The following FER variants were observed in gnomAD, a reference collection of about 807,000 sequenced individuals.
FER encodes the protein tyrosine-protein kinase Fer.
FER carries 63 observed loss-of-function variants against 111.0 expected under a neutral mutation model. The observed-to-expected ratio is 0.57, with a 90% CI of 0.46 to 0.70. The LOEUF (loss-of-function observed/expected upper bound fraction) is 0.70. Among genes scored for constraint, FER ranks in the 30% least tolerant of loss-of-function variants. FER has a pLI of 0.00. For synonymous variants in FER, 327 were observed against 313.9 expected, an observed-to-expected ratio of 1.04 and a Z score of -0.44; for missense variants, 914 against 954.0, an observed-to-expected ratio of 0.96 and a Z score of 0.55.
chr5:108,941,120 T>G (rs1756210138), intron 10 of FER, among the ~76,000 whole-genome samples: 1 of 152,132 alleles, frequency 6.6e-6, no homozygotes, highest in African/African-American at 2.4e-5. Flanking sequence ...GCTTTGAAGC[T>G]GAGGGAGGAT....
intron 5 of FER, among the ~76,000 whole-genome samples, chr5:108,836,593 T>A (rs1291508173): frequency 6.6e-6 from 1 of 152,192 alleles, no homozygotes; most frequent in African/African-American, 2.4e-5. Flanking sequence ...CTATTTTATT[T>A]TGGTTCTTAA....
At chr5:109,132,277 T>G (rs113674754) in intron 17 of FER, among the ~76,000 whole-genome samples, 1 of 152,086 alleles carries the variant, frequency 6.6e-6, no homozygotes, top group Non-Finnish European at 1.5e-5. Flanking sequence ...AAGAAAAATA[T>G]AAGAAAGAGG....
intron 10 of FER, among the ~76,000 whole-genome samples, chr5:108,920,452 G>C (rs992374991): frequency 6.6e-6 from 1 of 152,218 alleles, no homozygotes; most frequent in East Asian, 1.9e-4. Flanking sequence ...ATACAATAAA[G>C]TAATTACACT....
At position 109,098,267 on chromosome 5, in the gene FER, A is replaced by T. The variant is rs964415671; in HGVS notation, c.1925-2129A>T. 2.0e-5 allele frequency among the ~76,000 whole-genome samples: 3 copies of T among 151,852 alleles called. No individual in the cohort carries two copies. In the East Asian group the frequency reaches 5.8e-4, roughly 29 times the overall value. ...AACAATATTTGGTAATTTGTTGAAT[A>T]ATAGTTTATTTGTTAAATAATTTGT... is the stretch of plus-strand genomic sequence containing the variant. On this transcript the variant is annotated intron_variant, in intron 16 of 19. Transcript: ENST00000281092.
chr5:108,803,470 A>G (rs142926479), intron 3 of FER, among the ~76,000 whole-genome samples: 4,615 of 152,274 alleles, frequency 0.03, 99 homozygotes, highest in African/African-American at 0.058. Flanking sequence ...TTGAGGTCTT[A>G]CATTTAAATC....
At chr5:108,831,214 A>C (rs1358039808) in intron 3 of FER, among the ~76,000 whole-genome samples, 1 of 152,182 alleles carries the variant, frequency 6.6e-6, no homozygotes. Context: ...CACTTAAAGA[A>C]TATTTATTTT....
At chr5:108,960,567 C>A (rs2149671252) in intron 13 of FER, among the ~76,000 whole-genome samples, 1 of 151,886 alleles carries the variant, frequency 6.6e-6, no homozygotes, top group Non-Finnish European at 1.5e-5. Context: ...ATATATAAAT[C>A]TTTCAATATT....
intron 10 of FER, chr5:108,924,514 C>A: frequency 1.0e-6 from 1 of 964,024 alleles, no homozygotes; most frequent in East Asian, 3.4e-5. Flanking sequence ...GACTAGTATA[C>A]TTCCATGCCA....
At chr5:108,771,265 A>G (rs1030156103) in intron 2 of FER, among the ~76,000 whole-genome samples, 1 of 152,110 alleles carries the variant, frequency 6.6e-6, no homozygotes, top group Admixed American at 6.6e-5. Flanking sequence ...GTTTTCTCAA[A>G]AAAGTTAGTG....
intron 13 of FER, among the ~76,000 whole-genome samples, chr5:108,975,349 A>G (rs1761197616): frequency 1.3e-5 from 2 of 152,212 alleles, no homozygotes; most frequent in Admixed American, 1.3e-4. Context: ...GCGAACCACC[A>G]TGACACATGT....
intron 13 of FER, among the ~76,000 whole-genome samples, chr5:108,963,458 G>A (rs564335957): frequency 1.4e-4 from 22 of 151,898 alleles, no homozygotes; most frequent in Non-Finnish European, 2.6e-4. Flanking sequence ...GCTACTTGGG[G>A]GGCTGAGGCA....
chr5:108,840,981 GC>G (rs1761204642), intron 5 of FER, among the ~76,000 whole-genome samples: 1 of 152,134 alleles, frequency 6.6e-6, no homozygotes, highest in Non-Finnish European at 1.5e-5. Flanking sequence ...TACGTTAACA[GC>G]CCATCATTTG....
At chr5:109,100,848 C>T (rs889493744) in intron 17 of FER, among the ~76,000 whole-genome samples, 4 of 145,398 alleles carry the variant, frequency 2.8e-5, no homozygotes, top group Non-Finnish European at 6.1e-5. Flanking sequence ...AAGATTGTTT[C>T]ATGTGTTGTC....
At chr5:109,094,768 T>A (rs1747275722) in intron 16 of FER, among the ~76,000 whole-genome samples, 1 of 152,190 alleles carries the variant, frequency 6.6e-6, no homozygotes, top group Admixed American at 6.6e-5. Context: ...TGCAGACACT[T>A]AGCCTTAGAA....
intron 5 of FER, among the ~76,000 whole-genome samples, chr5:108,862,574 G>A (rs1763633471): frequency 6.6e-6 from 1 of 152,038 alleles, no homozygotes; most frequent in African/African-American, 2.4e-5. Context: ...TAAATAAGAG[G>A]CAAAATATGG....
chr5:109,034,069 A>G (rs567578883), intron 13 of FER, among the ~76,000 whole-genome samples: 16 of 152,166 alleles, frequency 1.1e-4, no homozygotes, highest in Non-Finnish European at 2.4e-4. Context: ...TTGCTGTGCA[A>G]TAGATCTTGG....
intron 10 of FER, among the ~76,000 whole-genome samples, chr5:108,929,691 TAGTAAC>T (rs1319371285): frequency 1.3e-5 from 2 of 151,774 alleles, no homozygotes; most frequent in Non-Finnish European, 2.9e-5. Flanking sequence ...ATGAAGGGAG[TAGTAAC>T]AGAATAAGAG....
intron 1 of FER, among the ~76,000 whole-genome samples, chr5:108,752,902 T>C (rs1345489133): frequency 2.0e-5 from 3 of 152,120 alleles, no homozygotes; most frequent in Non-Finnish European, 4.4e-5. Flanking sequence ...CTGGACATTT[T>C]ATGTAGGTTT....
intron 13 of FER, among the ~76,000 whole-genome samples, chr5:108,976,498 T>G (rs1761358831): frequency 6.6e-6 from 1 of 152,084 alleles, no homozygotes; most frequent in Non-Finnish European, 1.5e-5. Context: ...TTAGAATGCA[T>G]ATACAGTTGA....
Sources: gnomAD v4.1 joint callset for allele counts (sites outside exome capture counted in the v4.1 genomes callset) on GRCh38, gnomAD v4.1.1 for gene constraint, MANE v1.5 for transcripts, NCBI Gene and HGNC (gene_info 2026-07-23, HGNC 2026-07-21) for gene names.